Variants in DNAJC15 observed in about 807,000 individuals in gnomAD.
The protein encoded by DNAJC15 is dnaJ homolog subfamily C member 15.
Under a neutral mutation model 22.4 loss-of-function variants are expected in DNAJC15, and 27 were observed. The ratio of observed to expected loss-of-function variants is 1.20; its 90% confidence interval spans 0.89 to 1.66. The LOEUF is 1.66. DNAJC15 is among the 40% of genes most tolerant of loss of function. The pLI is 0.00. For synonymous variants in DNAJC15, 79 were observed against 63.2 expected (o/e 1.25, Z -1.19); for missense variants, 208 against 187.1 (o/e 1.11, Z -0.65).
At chr13:43,038,960 A>G (rs532157265) in intron 1 of DNAJC15, among the ~76,000 whole-genome samples, 1 of 152,138 alleles carries the variant, frequency 6.6e-6, no homozygotes, top group South Asian at 2.1e-4. Flanking sequence ...TTAAAAACCT[A>G]CCTAGTAATA....
intron 5 of DNAJC15, among the ~76,000 whole-genome samples, chr13:43,093,308 A>C (rs145500097): frequency 1.5e-4 from 23 of 152,118 alleles, no homozygotes; most frequent in Non-Finnish European, 2.6e-4. Flanking sequence ...ACAGTTTTCA[A>C]ACTTTTTTGT....
rs1336981072 is a variant in DNAJC15 at position 43,107,271 on chromosome 13, A to G, written c.*23A>G. 1 of 1,489,944 alleles carries G rather than the reference A, an allele frequency of 6.7e-7. No homozygotes were observed. Among genetic ancestry groups the G allele is most frequent in the Non-Finnish European group, 8.9e-7 (1 of 1,123,792 alleles). The allele number at this position is 1,489,944 out of a possible 1,614,324, so 92.3% of individuals were successfully genotyped here. On this transcript the variant is annotated 3_prime_UTR_variant, in exon 6 of 6. Coordinates refer to ENST00000379221, the MANE Select transcript of DNAJC15 (RefSeq NM_013238.3). ...TGATGCTTAAGGACCACACTGAAGG[A>G]AAAAAAAAGAGGGGACTTCGAAAAA...
chr13:43,065,626 G>A, intron 1 of DNAJC15, 60 bp from the exon 2 acceptor site: 1 of 1,318,864 alleles, frequency 7.6e-7, no homozygotes, highest in South Asian at 1.2e-5. Context: ...TATTAAAAAT[G>A]ATTTACTTTT....
intron 1 of DNAJC15, among the ~76,000 whole-genome samples, chr13:43,027,779 C>T (rs1382105975): frequency 6.6e-6 from 1 of 152,056 alleles, no homozygotes; most frequent in Non-Finnish European, 1.5e-5. Context: ...GCCTCAGCCT[C>T]CCAAGTAGCT....
chr13:43,063,643 C>T (rs979516673), intron 1 of DNAJC15, among the ~76,000 whole-genome samples: 4 of 131,322 alleles, frequency 3.0e-5, no homozygotes, highest in Admixed American at 7.8e-5. Flanking sequence ...GTCTTTTGCC[C>T]GTTTTCTATT....
chr13:43,034,237 C>T (rs552346166), intron 1 of DNAJC15, among the ~76,000 whole-genome samples: 1 of 142,208 alleles, frequency 7.0e-6, no homozygotes, highest in Admixed American at 6.7e-5. Flanking sequence ...GAGAGTTATG[C>T]TCTCCACTCC....
intron 5 of DNAJC15, 45 bp downstream of exon 5, chr13:43,085,883 C>T: frequency 6.6e-7 from 1 of 1,514,620 alleles, no homozygotes; most frequent in Non-Finnish European, 9.1e-7. Context: ...TCAAAATATG[C>T]TGTGAATTCC....
At chr13:43,066,133 G>A (rs1235524967) in intron 2 of DNAJC15, among the ~76,000 whole-genome samples, 4 of 152,114 alleles carry the variant, frequency 2.6e-5, no homozygotes, top group African/African-American at 7.2e-5. Flanking sequence ...TTTCTCATGA[G>A]CATAGTTGTT....
chr13:43,095,404 G>A (rs1036968708), intron 5 of DNAJC15, among the ~76,000 whole-genome samples: 1 of 152,174 alleles, frequency 6.6e-6, no homozygotes, highest in Non-Finnish European at 1.5e-5. Context: ...TAGGAGAAAA[G>A]AAATACTGTG....
At chr13:43,033,007 C>T (rs9567099) in intron 1 of DNAJC15, among the ~76,000 whole-genome samples, 43,607 of 151,864 alleles carry the variant, frequency 0.29, 6,496 homozygotes, top group South Asian at 0.5. Context: ...ATGGCCAGAG[C>T]GGGAGGAAGA....
At position 43,070,481 on chromosome 13, in the gene DNAJC15, A is replaced by G. The variant is rs148557838; in HGVS notation, c.234+1478A>G. 2.8e-3 allele frequency among the ~76,000 whole-genome samples: 433 copies of G among 152,254 alleles called. 2 individuals carry two copies. The highest frequency in any genetic ancestry group is 1.0e-2 in the African/African-American group (415 of 41,544). ...AAAAAAAAAAAATGAAGTAAGATAT[A>G]TAATACCTAAAAGTGTCGAGTGCTT... On this transcript the variant is annotated intron_variant, in intron 3 of 5. Coordinates refer to ENST00000379221, the MANE Select transcript of DNAJC15 (RefSeq NM_013238.3).
chr13:43,082,253 C>A (rs1480131130), intron 4 of DNAJC15, among the ~76,000 whole-genome samples: 1 of 152,036 alleles, frequency 6.6e-6, no homozygotes, highest in Non-Finnish European at 1.5e-5. Context: ...CCACATACCC[C>A]CACTGCCAGC....
rs781041656 is a variant in DNAJC15 at position 43,083,148 on chromosome 13, C to T, written c.312-2620C>T. On this transcript the variant is annotated intron_variant, in intron 4 of 5. Transcript: ENST00000379221. ...ATGTAAAATGCATTAAGCACTTGTA[C>T]GATATATAATCCTAATTTCTTTTTT... Among the ~76,000 whole-genome samples the T allele has an allele frequency of 7.2e-5, 11 of 151,874 alleles. No individual in the cohort carries two copies. The South Asian group carries it at 1.0e-3, about 14-fold the overall frequency.
chr13:43,114,087 A>T lies in DNAJC15; in HGVS notation c.*6839A>T, dbSNP rs1052779956. 6.6e-6 allele frequency: 1 copy of T among 152,226 alleles called. No homozygotes were observed. The highest frequency in any genetic ancestry group is 2.4e-5 in the African/African-American group (1 of 41,460). The allele number at this position is 152,226 out of a possible 1,614,324, so 9.4% of individuals were successfully genotyped here. A position where few individuals can be genotyped will look rare whatever the true frequency, so the allele number is the denominator to read the frequency against. ...ATATGTGAAAATACGGATGCACTAC[A>T]ATTAAATAAATAAAATGCTGTTGTG... is the stretch of plus-strand genomic sequence containing the variant. On this transcript the variant is annotated 3_prime_UTR_variant, in exon 6 of 6. Coordinates refer to ENST00000379221, the MANE Select transcript of DNAJC15 (RefSeq NM_013238.3).
rs774736330 is a variant in DNAJC15 at position 43,110,442 on chromosome 13, C to T, written c.*3194C>T. ...GGAATCAGTGCTCATCTTTAATATG[C>T]AGCAGGACAGGTTTGGGATTTTTTT... On this transcript the variant is annotated 3_prime_UTR_variant, in exon 6 of 6. Transcript: ENST00000379221. 1.1e-4 allele frequency: 16 copies of T among 152,176 alleles called. No individual in the cohort carries two copies. Among genetic ancestry groups the T allele is most frequent in the Non-Finnish European group, 1.9e-4 (13 of 68,042 alleles). The allele number at this position is 152,176 out of a possible 1,614,324, so 9.4% of individuals were successfully genotyped here.
At chr13:43,069,067 A>G (rs1021720571) in intron 3 of DNAJC15, 64 bp downstream of exon 3, 83 of 1,455,128 alleles carry the variant, frequency 5.7e-5, no homozygotes, top group Non-Finnish European at 7.3e-5. Flanking sequence ...ACATATTTCA[A>G]TTAACTTAGA....
chr13:43,055,294 G>C (rs546360194), intron 1 of DNAJC15, among the ~76,000 whole-genome samples: 15 of 150,534 alleles, frequency 1.0e-4, no homozygotes, highest in African/African-American at 2.9e-4. Context: ...CAACTAAATC[G>C]TCAGGCCCTA....
intron 1 of DNAJC15, among the ~76,000 whole-genome samples, chr13:43,052,684 C>T (rs2040510961): frequency 6.6e-6 from 1 of 152,184 alleles, no homozygotes; most frequent in Non-Finnish European, 1.5e-5. Context: ...CCCAAAAGTG[C>T]TGGATTACAG....
rs2040817992 is a variant in DNAJC15, at chr13:43,110,205, CTT to C, written c.*2959_*2960del. On this transcript the variant is annotated 3_prime_UTR_variant, in exon 6 of 6. Coordinates refer to ENST00000379221, the MANE Select transcript of DNAJC15 (RefSeq NM_013238.3). ...TCAGTTCCTTTCTGCACAGGTTCCT[CTT>C]TACATAGGCTTCTCAACAGGGCTAC... The C allele has an allele frequency of 6.6e-6, 1 of 152,194 alleles. No homozygotes were observed. Among genetic ancestry groups the C allele is most frequent in the Non-Finnish European group, 1.5e-5 (1 of 68,040 alleles). 9.4% of individuals were successfully genotyped at this position (152,194 alleles called of 1,614,324 possible). A position where few individuals can be genotyped will look rare whatever the true frequency, so the allele number is the denominator to read the frequency against.
Sources: allele counts gnomAD v4.1 joint callset (sites outside exome capture counted in the v4.1 genomes callset), GRCh38; gene constraint gnomAD v4.1.1; transcripts MANE v1.5; gene names NCBI Gene and HGNC (gene_info 2026-07-23, HGNC 2026-07-21).